Variants in DDX25 observed in about 807,000 individuals in gnomAD.
DDX25 encodes the protein DEAD-box helicase 25.
A neutral mutation model predicts 64.6 loss-of-function variants in DDX25; 70 were observed. The ratio of observed to expected loss-of-function variants is 1.08; its 90% CI spans 0.89 to 1.32. The LOEUF (loss-of-function observed/expected upper bound fraction) is 1.32, where lower values mean the gene tolerates loss of function less well. DDX25 is among the 40% of genes most tolerant of loss of function. The pLI, the probability that DDX25 is intolerant of heterozygous loss-of-function variation, is 0.00. For synonymous variants in DDX25, 211 were observed against 213.3 expected (o/e 0.99, Z 0.09); for missense variants, 587 against 604.4 (o/e 0.97, Z 0.30).
intron 6 of DDX25, among the ~76,000 whole-genome samples, chr11:125,909,489 T>C (rs1944937344): frequency 6.6e-6 from 1 of 152,170 alleles, no homozygotes; most frequent in African/African-American, 2.4e-5. Context: ...TCTTTATTCA[T>C]CAGCAACCAC....
intron 4 of DDX25, 112 bp downstream of exon 4, chr11:125,906,321 A>ATTTTT: frequency 9.4e-7 from 1 of 1,064,612 alleles, no homozygotes; most frequent in Non-Finnish European, 1.2e-6. Context: ...GATATTCAAT[A>ATTTTT]TTTTTTTTTG....
chr11:125,908,337 AT>A, intron 5 of DDX25, 49 bp downstream of exon 5: 1 of 1,612,940 alleles, frequency 6.2e-7, no homozygotes, highest in Non-Finnish European at 8.5e-7. Flanking sequence ...TTAGTTTCTT[AT>A]TTTCAGTTTA....
chr11:125,904,775 C>T lies in DDX25; in HGVS notation c.63+195C>T, dbSNP rs1944856802. The T allele has an allele frequency of 1.3e-5, 9 of 707,650 alleles. No individual in the cohort carries two copies. The East Asian group carries it at 2.0e-4, about 16-fold the overall frequency. 43.8% of individuals were successfully genotyped at this position (707,650 alleles called of 1,614,324 possible). On this transcript the variant is annotated intron_variant, in intron 1 of 11. Coordinates refer to ENST00000263576, the MANE Select transcript of DDX25 (RefSeq NM_013264.5). ...TCCCCACCCCCACGAGAGGCAAGAC[C>T]TTTGGTTAGAAAGGGCAAAAATGAC...
rs1945170811 is a variant in DDX25, at chr11:125,926,631, C to G, written c.*3750C>G. On this transcript the variant is annotated 3_prime_UTR_variant, in exon 12 of 12. Transcript: ENST00000263576. ...GATCTCGGCTCACTGCAAACTCTGC[C>G]TCCCCGGTTCAAGCAATTCTCCTGT... The G allele has an allele frequency of 1.3e-5, 2 of 152,050 alleles. No homozygotes were observed. Among genetic ancestry groups the G allele is most frequent in the South Asian group, 4.2e-4 (2 of 4,790 alleles). The allele number at this position is 152,050 out of a possible 1,614,324, so 9.4% of individuals were successfully genotyped here. A position where few individuals can be genotyped will look rare whatever the true frequency, so the allele number is the denominator to read the frequency against.
In DDX25 at chr11:125,922,910, C is replaced by G; in HGVS notation, c.*29C>G. The G allele has an allele frequency of 6.3e-7, 1 of 1,579,094 alleles. No individual in the cohort carries two copies. ...AAGAACTTTATTGTTTGTGCAGTAT[C>G]CTAGTTTATGTGAGAATGTCTCAGT... On this transcript the variant is annotated 3_prime_UTR_variant, in exon 12 of 12. Transcript: ENST00000263576.
At chr11:125,906,690 G>A (rs972286002) in intron 4 of DDX25, among the ~76,000 whole-genome samples, 17 of 151,636 alleles carry the variant, frequency 1.1e-4, no homozygotes, top group African/African-American at 4.1e-4. Context: ...GCCGGGCATG[G>A]TGGCGCGCAC....
chr11:125,910,534 A>G (rs1255047229), intron 7 of DDX25, 56 bp downstream of exon 7: 32 of 1,485,886 alleles, frequency 2.2e-5, no homozygotes, highest in Non-Finnish European at 3.0e-5. Flanking sequence ...TTCACCACGA[A>G]TAAGCATTTT....
rs187159995 is a variant in DDX25 at position 125,925,638 on chromosome 11, C to T, written c.*2757C>T. ...ATGTTTCTTGGCACCAAATACTAAA[C>T]CAAATCCGTTAAGTTTATCTTGGCC... On this transcript the variant is annotated 3_prime_UTR_variant, in exon 12 of 12. Coordinates refer to ENST00000263576, the MANE Select transcript of DDX25 (RefSeq NM_013264.5). 121 of 356,348 alleles carry T rather than the reference C, an allele frequency of 3.4e-4. No individual in the cohort carries two copies. The highest frequency in any genetic ancestry group is 2.4e-3 in the African/African-American group (111 of 47,118). 22.1% of individuals were successfully genotyped at this position (356,348 alleles called of 1,614,324 possible).
chr11:125,920,352 G>A (rs1408285283), intron 10 of DDX25, among the ~76,000 whole-genome samples: 5 of 151,972 alleles, frequency 3.3e-5, no homozygotes, highest in Non-Finnish European at 5.9e-5. Context: ...CAGGAGAATC[G>A]CTTGAACCCG....
rs756163215 is a variant in DDX25 at position 125,905,603 on chromosome 11, A to G, written c.175+6A>G. ...AGATGATGAAGAAGATGTAGGTAGGAGATGAATTCATTTGCATGTATCTAC... is the reference window on the plus strand; with the variant it reads ...AGATGATGAAGAAGATGTAGGTAGGGGATGAATTCATTTGCATGTATCTAC... On this transcript the variant is annotated splice_donor_region_variant and intron_variant, in intron 3 of 11. Transcript: ENST00000263576. 122 of 1,550,914 alleles carry G rather than the reference A, an allele frequency of 7.9e-5. No homozygotes were observed. The highest frequency in any genetic ancestry group is 9.4e-5 in the Non-Finnish European group (108 of 1,146,322).
chr11:125,919,882 C>A (rs1263453192), intron 10 of DDX25, among the ~76,000 whole-genome samples: 1 of 152,196 alleles, frequency 6.6e-6, no homozygotes, highest in African/African-American at 2.4e-5. Context: ...AGCTCCTGAG[C>A]ACTTGAAATG....
upstream of DDX25, chr11:125,904,321 C>CCCGCCCCGCTCTCTGCCCT (rs1944842143): frequency 4.1e-6 from 1 of 241,988 alleles, no homozygotes; most frequent in African/African-American, 3.8e-5. Flanking sequence ...CTCTCTGCCC[C>CCCGCCCCGCTCTCTGCCCT]CCGCCCCGCT....
chr11:125,916,815 T>A (rs1273597101), intron 8 of DDX25, among the ~76,000 whole-genome samples, 199 bp from the exon 9 acceptor site: 1 of 152,224 alleles, frequency 6.6e-6, no homozygotes, highest in Non-Finnish European at 1.5e-5. Context: ...CTTCACATTC[T>A]GTTTATATAC....
Position 125,917,177 on chromosome 11 carries a change from A to G in DDX25, c.964A>G (p.Arg322Gly). Residue 322 changes from arginine to glycine, a missense_variant, in exon 9 of 12, where the codon AGG (arginine) becomes GGG (glycine). By Grantham distance (125) the Arg-to-Gly change is moderately radical (BLOSUM62 -2). Coordinates refer to ENST00000263576, the MANE Select transcript of DDX25 (RefSeq NM_013264.5). The part of the protein sequence containing the change: ...IRQYYVLCEH[R>G]KDKYQALCNI... ...GCAATATTACGTGCTGTGTGAGCAC[A>G]GGAAAGACAAATACCAAGCTCTGTG... 2 of 1,611,642 alleles carry G rather than the reference A, an allele frequency of 1.2e-6. No individual in the cohort carries two copies. The highest frequency in any genetic ancestry group is 1.7e-6 in the Non-Finnish European group (2 of 1,179,066).
Position 125,923,028 on chromosome 11 carries a change from CATG to C in DDX25, c.*149_*151del, listed in dbSNP as rs1382029078. On this transcript the variant is annotated 3_prime_UTR_variant, in exon 12 of 12. Transcript: ENST00000263576. ...AATGTCACGGTACTTAGTTTTAAGACATGAGGTCTTTTTGAAGCCAAATTGATG... is the reference window on the plus strand; with the variant it reads ...AATGTCACGGTACTTAGTTTTAAGACAGGTCTTTTTGAAGCCAAATTGATG... 4 of 675,498 alleles carry C rather than the reference CATG, an allele frequency of 5.9e-6. No homozygotes were observed. Among genetic ancestry groups the C allele is most frequent in the African/African-American group, 1.8e-5 (1 of 54,724 alleles). 41.8% of individuals were successfully genotyped at this position (675,498 alleles called of 1,614,324 possible).
At chr11:125,909,878 C>T (rs1944943709) in intron 6 of DDX25, among the ~76,000 whole-genome samples, 2 of 152,186 alleles carry the variant, frequency 1.3e-5, no homozygotes, top group South Asian at 2.1e-4. Flanking sequence ...CCTCAAACTC[C>T]TGACTTCAGG....
At chr11:125,917,315 C>A in intron 9 of DDX25, 64 bp downstream of exon 9, 1 of 1,455,876 alleles carries the variant, frequency 6.9e-7, no homozygotes, top group Non-Finnish European at 9.3e-7. Flanking sequence ...TGGGGGACGA[C>A]AATAAGTGCC....
Position 125,905,216 on chromosome 11 carries a change from C to G in DDX25, c.68C>G (p.Ser23Ter), listed in dbSNP as rs1433923259. Residue 23 changes from serine to a stop codon, truncating the protein, a stop_gained, in exon 2 of 12, where the codon TCA (serine) becomes TGA (stop). Transcript: ENST00000263576. LOFTEE classifies it high-confidence loss of function. ...GAAATTTGTGTCTCTCAATAGTTTTCAAACCTCAGCCAACCCCGGAAGAAC... is the reference window on the plus strand; with the variant it reads ...GAAATTTGTGTCTCTCAATAGTTTTGAAACCTCAGCCAACCCCGGAAGAAC... ...AESERLNSHFSNLSQPRKNLW... is the reference protein window; with the variant it reads ...AESERLNSHF The G allele has an allele frequency of 6.4e-7, 1 of 1,551,624 alleles. No homozygotes were observed. Among genetic ancestry groups the G allele is most frequent in the East Asian group, 2.4e-5 (1 of 40,922 alleles).
chr11:125,907,483 C>A (rs1254557387), intron 4 of DDX25, among the ~76,000 whole-genome samples: 3 of 152,000 alleles, frequency 2.0e-5, no homozygotes, highest in Admixed American at 1.3e-4. Context: ...TGGCGGGCGC[C>A]TGTAGTCCTA....
Sources: allele counts gnomAD v4.1 joint callset (sites outside exome capture counted in the v4.1 genomes callset), GRCh38; gene constraint gnomAD v4.1.1; transcripts MANE v1.5; gene names NCBI Gene and HGNC (gene_info 2026-07-23, HGNC 2026-07-21).